DPYSL2: variants seen among roughly 807,000 people sequenced by gnomAD.
The protein encoded by DPYSL2 is dihydropyrimidinase like 2, also known as dihydropyrimidinase-related protein 2.
In DPYSL2, 13 loss-of-function variants were observed where a neutral mutation model predicts 69.9. The observed-to-expected ratio is 0.19, with a 90% CI of 0.12 to 0.30. The LOEUF is 0.30. DPYSL2 is among the 10% of genes least tolerant of loss of function. The probability of loss-of-function intolerance (pLI) is 1.00; values close to 1 mark genes in which losing one functional copy is unlikely to be tolerated. For synonymous variants in DPYSL2, 326 were observed against 359.1 expected, an observed-to-expected ratio of 0.91 and a Z score of 1.04; for missense variants, 587 against 918.9, an observed-to-expected ratio of 0.64 and a Z score of 4.67.
rs1240577088 is a variant in DPYSL2, at chr8:26,565,316, G to A, written c.355-16653G>A. On this transcript the variant is annotated intron_variant, in intron 1 of 13. Coordinates refer to ENST00000521913, the MANE Select transcript of DPYSL2 (RefSeq NM_001197293.3). This position sits in a 1 kb window ranked among gnomAD's most constrained non-coding sequence, Gnocchi z 4.1. ...CTTTAATGCAGTATGAGTGTTCTGT[G>A]GCTGCTCCCACAGAAGTGGTTAGGG... is the stretch of plus-strand genomic sequence containing the variant. Among the ~76,000 whole-genome samples the A allele has an allele frequency of 1.3e-5, 2 of 152,128 alleles. No homozygotes were observed. The highest frequency in any genetic ancestry group is 3.9e-4 in the East Asian group (2 of 5,186).
chr8:26,549,201 T>TAAC (rs988942311), intron 1 of DPYSL2, among the ~76,000 whole-genome samples: 1 of 20,888 alleles, frequency 4.8e-5, no homozygotes, highest in African/African-American at 9.1e-5. Flanking sequence ...AAAATTAAGT[T>TAAC]AATAATAATA....
At chr8:26,623,584 G>A (rs988551413) in intron 3 of DPYSL2, among the ~76,000 whole-genome samples, 5 of 152,150 alleles carry the variant, frequency 3.3e-5, no homozygotes, top group Non-Finnish European at 7.3e-5. Flanking sequence ...ATATAACAAT[G>A]ACTGCAGTTT....
chr8:26,632,313 G>A (rs564977450), intron 7 of DPYSL2, among the ~76,000 whole-genome samples: 23 of 152,340 alleles, frequency 1.5e-4, no homozygotes, highest in African/African-American at 5.3e-4. Context: ...AAGGGACTGT[G>A]GACAAGGCGA....
intron 7 of DPYSL2, among the ~76,000 whole-genome samples, chr8:26,631,232 T>C (rs1802764576): frequency 6.6e-6 from 1 of 152,206 alleles, no homozygotes; most frequent in African/African-American, 2.4e-5. Flanking sequence ...GGGTAATTTA[T>C]AAAGAAAAGA....
In DPYSL2 at chr8:26,571,658, C is replaced by A. The variant is rs185454261; in HGVS notation, c.355-10311C>A. 6.0e-4 allele frequency among the ~76,000 whole-genome samples: 91 copies of A among 152,304 alleles called. 1 individual carries two copies. Among genetic ancestry groups the A allele is most frequent in the African/African-American group, 2.1e-3 (89 of 41,588 alleles). ...CAGCAGGATTTGGACAGATGAGCTT[C>A]TTGTCTTCCTGCAGGGAGGATGTGT... On this transcript the variant is annotated intron_variant, in intron 1 of 13. Coordinates refer to ENST00000521913, the MANE Select transcript of DPYSL2 (RefSeq NM_001197293.3). The surrounding 1 kb of genome is among the most constrained non-coding windows in gnomAD (Gnocchi z 6.1).
At chr8:26,639,676 T>A (rs996906146) in intron 8 of DPYSL2, among the ~76,000 whole-genome samples, 1 of 152,242 alleles carries the variant, frequency 6.6e-6, no homozygotes, top group African/African-American at 2.4e-5. Flanking sequence ...ACTCTCGTTA[T>A]ACTTGTTAAT....
At chr8:26,623,113 A>C (rs957295558) in intron 3 of DPYSL2, among the ~76,000 whole-genome samples, 3 of 152,186 alleles carry the variant, frequency 2.0e-5, no homozygotes, top group Admixed American at 2.0e-4. Context: ...AGAGCTCTTC[A>C]AGACCTAGGA....
chr8:26,561,131 G>A (rs1801063613), intron 1 of DPYSL2, among the ~76,000 whole-genome samples: 2 of 152,138 alleles, frequency 1.3e-5, no homozygotes, highest in African/African-American at 4.8e-5. Context: ...GGGCATTTCT[G>A]AGTTGATGCC....
In DPYSL2 at chr8:26,560,334, C is replaced by T. The variant is rs919288675; in HGVS notation, c.355-21635C>T. On this transcript the variant is annotated intron_variant, in intron 1 of 13. Transcript: ENST00000521913. This position sits in a 1 kb window ranked among gnomAD's most constrained non-coding sequence, Gnocchi z 4.4. The stretch of plus-strand genomic sequence containing the variant: ...CCTTAGAATACTTTTAGACAGAGCC[C>T]AATCAAAGGATTTATTTTCACTTTA... Among the ~76,000 whole-genome samples the T allele has an allele frequency of 6.6e-6, 1 of 152,148 alleles. No homozygotes were observed. Among genetic ancestry groups the T allele is most frequent in the African/African-American group, 2.4e-5 (1 of 41,414 alleles).
rs138745910 is a variant in DPYSL2, at chr8:26,566,977, G to A, written c.355-14992G>A. Among the ~76,000 whole-genome samples the A allele has an allele frequency of 2.2e-3, 327 of 149,252 alleles. 4 individuals carry two copies. Among genetic ancestry groups the A allele is most frequent in the Admixed American group, 0.019 (281 of 15,028 alleles). On this transcript the variant is annotated intron_variant, in intron 1 of 13. Transcript: ENST00000521913. Reference sequence around the variant, plus strand: ...CATTCACTTTTCCATCCATCCACCCGTCATCTGTCTATCCATCTATTCATC... The same window carrying A: ...CATTCACTTTTCCATCCATCCACCCATCATCTGTCTATCCATCTATTCATC...
In DPYSL2 at chr8:26,540,239, C is replaced by T. The variant is rs180964663; in HGVS notation, c.354+25560C>T. On this transcript the variant is annotated intron_variant, in intron 1 of 13. Coordinates refer to ENST00000521913, the MANE Select transcript of DPYSL2 (RefSeq NM_001197293.3). ...TGAATGAAATGAGAAATTCAGTAAA[C>T]AGCTTCAACAGTAGACTTGATCAAG... Among the ~76,000 whole-genome samples, 262 of 151,450 alleles carry T rather than the reference C, an allele frequency of 1.7e-3. 2 individuals carry two copies. The highest frequency in any genetic ancestry group is 0.014 in the East Asian group (71 of 5,046).
At chr8:26,608,257 A>G (rs924613152) in intron 3 of DPYSL2, among the ~76,000 whole-genome samples, 2 of 152,220 alleles carry the variant, frequency 1.3e-5, no homozygotes, top group African/African-American at 4.8e-5. Flanking sequence ...TATGTGTATA[A>G]TAAGTAGATA....
chr8:26,541,011 T>A (rs770225417), intron 1 of DPYSL2, among the ~76,000 whole-genome samples: 1 of 152,014 alleles, frequency 6.6e-6, no homozygotes, highest in Non-Finnish European at 1.5e-5. Flanking sequence ...CAATTTGTGA[T>A]GGAGTTAAGT....
At position 26,588,170 on chromosome 8, in the gene DPYSL2, C is replaced by A. The variant is rs1282578783; in HGVS notation, c.628+4187C>A. Among the ~76,000 whole-genome samples the A allele has an allele frequency of 6.6e-6, 1 of 152,212 alleles. No individual in the cohort carries two copies. The highest frequency in any genetic ancestry group is 1.5e-5 in the Non-Finnish European group (1 of 68,032). On this transcript the variant is annotated intron_variant, in intron 3 of 13. Coordinates refer to ENST00000521913, the MANE Select transcript of DPYSL2 (RefSeq NM_001197293.3). The surrounding 1 kb of genome is among the most constrained non-coding windows in gnomAD (Gnocchi z 5.4). ...GCTGGGTACTGACACCCTCCCATCTCTTGTACACTGAGCTCTACTCTCCCC... is the reference window on the plus strand; with the variant it reads ...GCTGGGTACTGACACCCTCCCATCTATTGTACACTGAGCTCTACTCTCCCC...
chr8:26,523,152 T>G (rs1808416647), intron 1 of DPYSL2, among the ~76,000 whole-genome samples: 1 of 150,982 alleles, frequency 6.6e-6, no homozygotes, highest in South Asian at 2.1e-4. Context: ...CAGACATACA[T>G]GTATATATAT....
chr8:26,602,668 A>G (rs1415909112), intron 3 of DPYSL2, among the ~76,000 whole-genome samples: 1 of 152,182 alleles, frequency 6.6e-6, no homozygotes, highest in Non-Finnish European at 1.5e-5. Context: ...TCATTTATTC[A>G]TTTATTCATC....
chr8:26,582,685 G>A lies in DPYSL2; in HGVS notation c.443+628G>A, dbSNP rs1334221034. Among the ~76,000 whole-genome samples, 1 of 152,206 alleles carries A rather than the reference G, an allele frequency of 6.6e-6. No homozygotes were observed. Among genetic ancestry groups the A allele is most frequent in the Admixed American group, 6.5e-5 (1 of 15,278 alleles). ...TATTTTTGGACGCCAGAGGGTTAAG[G>A]AAGCTGAGTTCATCCCAGTATCTGC... On this transcript the variant is annotated intron_variant, in intron 2 of 13. Coordinates refer to ENST00000521913, the MANE Select transcript of DPYSL2 (RefSeq NM_001197293.3). This position sits in a 1 kb window ranked among gnomAD's most constrained non-coding sequence, Gnocchi z 4.1.
chr8:26,647,519 C>G lies in DPYSL2; in HGVS notation c.1426-111C>G, dbSNP rs1803193191. 1.7e-6 allele frequency: 2 copies of G among 1,193,304 alleles called. No homozygotes were observed. Among genetic ancestry groups the G allele is most frequent in the Non-Finnish European group, 1.2e-6 (1 of 848,294 alleles). The allele number at this position is 1,193,304 out of a possible 1,614,324, so 73.9% of individuals were successfully genotyped here. A position where few individuals can be genotyped will look rare whatever the true frequency, so the allele number is the denominator to read the frequency against. On this transcript the variant is annotated intron_variant, in intron 10 of 13. Transcript: ENST00000521913. The surrounding 1 kb of genome is among the most constrained non-coding windows in gnomAD (Gnocchi z 5.1). The stretch of plus-strand genomic sequence containing the variant: ...TTTGTGTTTCACTTGGCACAACGCT[C>G]TTGACATCCATCTAAGCTGTCGTGT...
chr8:26,584,836 C>T (rs1327682331), intron 3 of DPYSL2, among the ~76,000 whole-genome samples: 1 of 152,038 alleles, frequency 6.6e-6, no homozygotes, highest in African/African-American at 2.4e-5. Context: ...TCAGGCTGGT[C>T]TCGAACTCCC....
Sources: gnomAD v4.1 joint callset for allele counts (sites outside exome capture counted in the v4.1 genomes callset) on GRCh38, gnomAD v4.1.1 for gene constraint, Gnocchi (gnomAD v3.1) non-coding constraint, MANE v1.5 for transcripts, NCBI Gene and HGNC (gene_info 2026-07-23, HGNC 2026-07-21) for gene names.